Variants in ZEB1 observed in about 807,000 individuals in gnomAD.
ZEB1 encodes the protein zinc finger E-box binding homeobox 1, also known as zinc finger E-box-binding homeobox 1.
Under a neutral mutation model 84.9 loss-of-function variants are expected in ZEB1, and 21 were observed. The observed-to-expected ratio is 0.25, with a 90% CI of 0.18 to 0.36. ZEB1 has a LOEUF of 0.36. Ranked by LOEUF, ZEB1 falls within the 10% of genes least tolerant of loss-of-function variation. ZEB1 has a pLI of 1.00. For missense variants in ZEB1, 1,104 were observed against 1,330.2 expected (o/e 0.83, Z 2.65); for synonymous variants, 420 against 471.1 (o/e 0.89, Z 1.41).
chr10:31,449,099 G>T (rs889778412), intron 1 of ZEB1, among the ~76,000 whole-genome samples: 7 of 152,250 alleles, frequency 4.6e-5, no homozygotes, highest in Non-Finnish European at 8.8e-5. Context: ...AGCCAGGTGT[G>T]GGATATAGTC....
At chr10:31,348,457 AG>A (rs1481019946) in intron 1 of ZEB1, among the ~76,000 whole-genome samples, 1 of 152,064 alleles carries the variant, frequency 6.6e-6, no homozygotes, top group African/African-American at 2.4e-5. Flanking sequence ...CCAGCTACTC[AG>A]GAGGCTGAGA....
At chr10:31,474,144 G>T (rs1162028888) in intron 2 of ZEB1, among the ~76,000 whole-genome samples, 1 of 152,112 alleles carries the variant, frequency 6.6e-6, no homozygotes, top group Non-Finnish European at 1.5e-5. Flanking sequence ...CAGGACATAG[G>T]CACGGGCAAG....
intron 1 of ZEB1, among the ~76,000 whole-genome samples, chr10:31,396,345 AATT>A (rs2050721899): frequency 1.3e-5 from 2 of 152,352 alleles, no homozygotes; most frequent in South Asian, 4.1e-4. Context: ...TGATAACACA[AATT>A]ATTATATGAC....
rs1491249160 is a variant in ZEB1 at position 31,356,353 on chromosome 10, T to TATAC, written c.58+37064_58+37065insCATA. On this transcript the variant is annotated intron_variant, in intron 1 of 8. Coordinates refer to ENST00000424869, the MANE Select transcript of ZEB1 (RefSeq NM_001174096.2). ...AGTAATTTTGGACATATATGATGTG[T>TATAC]ATATATATATATATATAGTGCAGGT... is the stretch of plus-strand genomic sequence containing the variant. 1.5e-4 allele frequency among the ~76,000 whole-genome samples: 14 copies of TATAC among 95,752 alleles called. No individual in the cohort carries two copies. The African/African-American group carries it at 1.8e-3, about 13-fold the overall frequency. The allele number at this position is 95,752 out of a possible 152,430, so 62.8% of individuals were successfully genotyped here.
chr10:31,495,981 ATGGT>A, intron 3 of ZEB1, 143 bp downstream of exon 3: 1 of 816,760 alleles, frequency 1.2e-6, no homozygotes, highest in Non-Finnish European at 2.1e-6. Context: ...ACTTAGGCAT[ATGGT>A]GCACTACATA....
chr10:31,414,005 C>T (rs564863720), intron 1 of ZEB1, among the ~76,000 whole-genome samples: 2 of 152,318 alleles, frequency 1.3e-5, no homozygotes, highest in African/African-American at 4.8e-5. Flanking sequence ...ATTGCCTTCT[C>T]CTCTTGATGG....
chr10:31,429,809 T>A (rs565124099), intron 1 of ZEB1, among the ~76,000 whole-genome samples: 12 of 135,530 alleles, frequency 8.9e-5, no homozygotes, highest in African/African-American at 3.4e-4. Flanking sequence ...AATGGCATAA[T>A]CTCGGCTCAC....
chr10:31,364,220 G>T (rs1448682890), intron 1 of ZEB1, among the ~76,000 whole-genome samples: 1 of 152,166 alleles, frequency 6.6e-6, no homozygotes, highest in African/African-American at 2.4e-5. Context: ...GCCCAGCGAG[G>T]GTGCCTACAA....
intron 1 of ZEB1, among the ~76,000 whole-genome samples, chr10:31,457,946 G>A (rs1454300917): frequency 6.6e-6 from 1 of 152,124 alleles, no homozygotes; most frequent in Non-Finnish European, 1.5e-5. Flanking sequence ...ATGCTAGGCT[G>A]CAATATTGCA....
At chr10:31,351,988 T>C (rs2041385952) in intron 1 of ZEB1, among the ~76,000 whole-genome samples, 1 of 152,182 alleles carries the variant, frequency 6.6e-6, no homozygotes, top group African/African-American at 2.4e-5. Flanking sequence ...TGTTTTACTG[T>C]ATACTAATTC....
At chr10:31,338,347 A>T (rs1230682988) in intron 1 of ZEB1, among the ~76,000 whole-genome samples, 1 of 152,182 alleles carries the variant, frequency 6.6e-6, no homozygotes, top group Non-Finnish European at 1.5e-5. Flanking sequence ...TATGAGAAAG[A>T]TCCTGCTATC....
chr10:31,526,916 G>A lies in ZEB1; in HGVS notation c.3030G>A (p.Glu1010=), dbSNP rs1331824067. The A allele has an allele frequency of 1.2e-6, 2 of 1,614,026 alleles. No homozygotes were observed. The highest frequency in any genetic ancestry group is 1.3e-5 in the African/African-American group (1 of 74,930). The change falls in exon 9 of 9, where the codon GAG becomes GAA. Residue 1010 remains glutamate (E), a synonymous_variant. Transcript: ENST00000424869. Reference sequence around the variant, plus strand: ...CAGGGCCTGAAATCCTCTCGAATGAGCACGTGGGTGCCAGGGCGTCTCCCT... The same window carrying A: ...CAGGGCCTGAAATCCTCTCGAATGAACACGTGGGTGCCAGGGCGTCTCCCT... ...EEAGPEILSN[E]HVGARASPSQ... is the part of the protein sequence containing the mutation.
intron 2 of ZEB1, among the ~76,000 whole-genome samples, chr10:31,481,828 A>C (rs981879451): frequency 1.4e-4 from 21 of 152,086 alleles, no homozygotes; most frequent in South Asian, 1.0e-3. Flanking sequence ...ATCTGTATTG[A>C]TATAAATACT....
chr10:31,410,079 C>G (rs902051574), intron 1 of ZEB1, among the ~76,000 whole-genome samples: 1 of 152,146 alleles, frequency 6.6e-6, no homozygotes, highest in Middle Eastern at 3.2e-3. Context: ...GCATCCTTGT[C>G]TTGTGCCGGT....
At chr10:31,364,524 G>A (rs1478635946) in intron 1 of ZEB1, among the ~76,000 whole-genome samples, 1 of 152,206 alleles carries the variant, frequency 6.6e-6, no homozygotes, top group Non-Finnish European at 1.5e-5. Flanking sequence ...GGCCTCTCCA[G>A]TGCCTCTGTG....
chr10:31,348,592 G>C (rs1031079108), intron 1 of ZEB1, among the ~76,000 whole-genome samples: 5 of 151,852 alleles, frequency 3.3e-5, no homozygotes, highest in African/African-American at 1.2e-4. Context: ...AGAAAAAATA[G>C]AGTCCCATAA....
At chr10:31,499,765 C>CA (rs937110287) in intron 3 of ZEB1, among the ~76,000 whole-genome samples, 54 of 141,234 alleles carry the variant, frequency 3.8e-4, no homozygotes, top group African/African-American at 5.5e-4. Flanking sequence ...AACTCATTCT[C>CA]AAAAAAAAAA....
rs192966253 is a variant in ZEB1, at chr10:31,399,346, C to G, written c.59-61691C>G. ...AGTAAACTGAATTCCTCATCTTTCC[C>G]CCACCAAAACCTCCTCCGGCAGTTT... On this transcript the variant is annotated intron_variant, in intron 1 of 8. Coordinates refer to ENST00000424869, the MANE Select transcript of ZEB1 (RefSeq NM_001174096.2). Among the ~76,000 whole-genome samples, 299 of 152,154 alleles carry G rather than the reference C, an allele frequency of 2.0e-3. 1 individual carries two copies. Among genetic ancestry groups the G allele is most frequent in the African/African-American group, 6.5e-3 (271 of 41,532 alleles).
At chr10:31,385,694 AT>A (rs1221311674) in intron 1 of ZEB1, among the ~76,000 whole-genome samples, 22 of 151,480 alleles carry the variant, frequency 1.5e-4, no homozygotes, top group African/African-American at 5.3e-4. Flanking sequence ...CATCCAACTA[AT>A]TTTTGTATTT....
Sources: gnomAD v4.1 joint callset for allele counts (sites outside exome capture counted in the v4.1 genomes callset) on GRCh38, gnomAD v4.1.1 for gene constraint, MANE v1.5 for transcripts, NCBI Gene and HGNC (gene_info 2026-07-23, HGNC 2026-07-21) for gene names.